Variants in CPEB3 observed in about 807,000 individuals in gnomAD.
CPEB3 encodes cytoplasmic polyadenylation element-binding protein 3.
A neutral mutation model predicts 67.2 loss-of-function variants in CPEB3; 20 were observed. The observed-to-expected ratio is 0.30, with a 90% CI of 0.21 to 0.43. The LOEUF is 0.43. Ranked by LOEUF, CPEB3 falls within the 20% of genes least tolerant of loss-of-function variation. The pLI is 1.00. For missense variants in CPEB3, 746 were observed against 968.6 expected (o/e 0.77, Z 3.05); for synonymous variants, 376 against 393.1 (o/e 0.96, Z 0.51).
At chr10:92,151,308 A>G (rs1846956523) in intron 4 of CPEB3, among the ~76,000 whole-genome samples, 1 of 152,146 alleles carries the variant, frequency 6.6e-6, no homozygotes, top group South Asian at 2.1e-4. Flanking sequence ...TTCTACTCCA[A>G]GCCTGACTCT....
chr10:92,272,867 TTG>T (rs1273323884), intron 1 of CPEB3, among the ~76,000 whole-genome samples: 3 of 152,170 alleles, frequency 2.0e-5, no homozygotes, highest in Non-Finnish European at 4.4e-5. Flanking sequence ...GGTCATTCTA[TTG>T]GGTAGTCAAT....
At chr10:92,149,614 C>G (rs866014996) in intron 4 of CPEB3, among the ~76,000 whole-genome samples, 1 of 152,066 alleles carries the variant, frequency 6.6e-6, no homozygotes, top group East Asian at 1.9e-4. Context: ...AGAAATTTCC[C>G]AAGGTTTTAA....
At chr10:92,261,772 G>C (rs896211470) in intron 1 of CPEB3, among the ~76,000 whole-genome samples, 2 of 152,100 alleles carry the variant, frequency 1.3e-5, no homozygotes, top group African/African-American at 4.8e-5. Flanking sequence ...TTTCTACAAA[G>C]GGACTATGTG....
At chr10:92,256,514 G>A (rs530261625) in intron 1 of CPEB3, among the ~76,000 whole-genome samples, 2 of 151,524 alleles carry the variant, frequency 1.3e-5, no homozygotes, top group Admixed American at 6.6e-5. Flanking sequence ...TCAGCCTCCT[G>A]AGTAGCTGGG....
intron 1 of CPEB3, among the ~76,000 whole-genome samples, chr10:92,250,979 C>T (rs1445075451): frequency 6.6e-6 from 1 of 151,292 alleles, no homozygotes. Context: ...AATCCGCCCA[C>T]CTCAGCCTCC....
intron 3 of CPEB3, among the ~76,000 whole-genome samples, chr10:92,184,187 A>G (rs1483912414): frequency 2.0e-5 from 3 of 152,232 alleles, no homozygotes; most frequent in Non-Finnish European, 4.4e-5. Context: ...TGTTTTGCAG[A>G]TTGAAAGTAT....
chr10:92,063,105 TACAG>T (rs1264721737), intron 9 of CPEB3, among the ~76,000 whole-genome samples: 2 of 152,232 alleles, frequency 1.3e-5, no homozygotes, highest in African/African-American at 2.4e-5. Context: ...TTTAGAATGC[TACAG>T]ACAAAGAGAA....
At chr10:92,102,960 G>A (rs539536104) in intron 7 of CPEB3, among the ~76,000 whole-genome samples, 1 of 151,756 alleles carries the variant, frequency 6.6e-6, no homozygotes, top group Non-Finnish European at 1.5e-5. Context: ...ATATTTGTGT[G>A]GATCCCAACT....
At chr10:92,266,966 G>A (rs767495515) in intron 1 of CPEB3, among the ~76,000 whole-genome samples, 2 of 152,120 alleles carry the variant, frequency 1.3e-5, no homozygotes, top group Non-Finnish European at 1.5e-5. Context: ...CCCAGGAGGC[G>A]GAGGTTGCAG....
In CPEB3 at chr10:92,051,710, A is replaced by G. The variant is rs41297153; in HGVS notation, c.*502T>C. 1,204 of 153,232 alleles carry G rather than the reference A, an allele frequency of 7.9e-3. 11 individuals carry two copies. Among genetic ancestry groups the G allele is most frequent in the Non-Finnish European group, 0.013 (901 of 68,652 alleles). 9.5% of individuals were successfully genotyped at this position (153,232 alleles called of 1,614,324 possible). A position where few individuals can be genotyped will look rare whatever the true frequency, so the allele number is the denominator to read the frequency against. ...TCCTTACTCTAAGTGACCCGAGCTA[A>G]TGATTGCTGAATTGTTGTGAAGTTT... On this transcript the variant is annotated 3_prime_UTR_variant, in exon 10 of 10. Coordinates refer to ENST00000265997, the MANE Select transcript of CPEB3 (RefSeq NM_014912.5).
chr10:92,216,515 C>T (rs1275728654), intron 2 of CPEB3: 2 of 1,612,684 alleles, frequency 1.2e-6, no homozygotes, highest in Non-Finnish European at 1.7e-6. Flanking sequence ...GCAGATTCGG[C>T]GCGGGGTGAA....
At chr10:92,260,266 T>G (rs1424738674) in intron 1 of CPEB3, among the ~76,000 whole-genome samples, 1 of 152,070 alleles carries the variant, frequency 6.6e-6, no homozygotes, top group African/African-American at 2.4e-5. Flanking sequence ...AATCATGTCT[T>G]CTGGCTGGGC....
chr10:92,216,367 G>A (rs1328653751), intron 2 of CPEB3: 1 of 1,611,426 alleles, frequency 6.2e-7, no homozygotes, highest in South Asian at 1.1e-5. Context: ...AAGGGCCCGA[G>A]GCTCAGGCGG....
chr10:92,125,129 T>A (rs965554932), intron 6 of CPEB3, among the ~76,000 whole-genome samples: 3 of 152,198 alleles, frequency 2.0e-5, no homozygotes, highest in African/African-American at 7.2e-5. Context: ...GAAATAGCCA[T>A]CCAGGAATAC....
intron 4 of CPEB3, among the ~76,000 whole-genome samples, chr10:92,153,907 A>G (rs1160625479): frequency 6.6e-6 from 1 of 152,178 alleles, no homozygotes; most frequent in Non-Finnish European, 1.5e-5. Flanking sequence ...TTAAATGTGT[A>G]GGCAAAAATC....
chr10:92,106,814 CAAAAAAAAAAAAAA>C (rs531195477), intron 7 of CPEB3, among the ~76,000 whole-genome samples: 1 of 55,974 alleles, frequency 1.8e-5, no homozygotes, highest in Non-Finnish European at 3.0e-5. Flanking sequence ...GACTCTGTCT[CAAAAAAAAAAAAAA>C]AAAAAAAAAA....
chr10:92,151,515 T>C (rs1031850825), intron 4 of CPEB3, among the ~76,000 whole-genome samples: 2 of 152,170 alleles, frequency 1.3e-5, no homozygotes, highest in Non-Finnish European at 2.9e-5. Flanking sequence ...TGAGAGAGTT[T>C]AACTAGATGG....
intron 6 of CPEB3, among the ~76,000 whole-genome samples, chr10:92,120,350 C>T (rs1170770731): frequency 4.6e-5 from 7 of 151,310 alleles, no homozygotes; most frequent in African/African-American, 1.5e-4. Flanking sequence ...TTTGGGAGGC[C>T]GAGGAAGGAG....
Position 92,240,181 on chromosome 10 carries a change from C to A in CPEB3, c.170G>T (p.Ser57Ile). 1 of 1,533,398 alleles carries A rather than the reference C, an allele frequency of 6.5e-7. No individual in the cohort carries two copies. The highest frequency in any genetic ancestry group is 8.8e-7 in the Non-Finnish European group (1 of 1,138,104). 95.0% of individuals were successfully genotyped at this position (1,533,398 alleles called of 1,614,324 possible). A position where few individuals can be genotyped will look rare whatever the true frequency, so the allele number is the denominator to read the frequency against. Residue 57 changes from serine to isoleucine, a missense_variant, in exon 2 of 10, where the codon AGC becomes ATC. Coordinates refer to ENST00000265997, the MANE Select transcript of CPEB3 (RefSeq NM_014912.5). ...PEENSAVPAL[S>I]PAAAPPAPNG... Reference sequence around the variant, plus strand: ...GGGGGCCGGGGGGGCAGCGGCTGGGCTGAGGGCCGGCACTGCGCTGTTTTC... The same window carrying A: ...GGGGGCCGGGGGGGCAGCGGCTGGGATGAGGGCCGGCACTGCGCTGTTTTC...
Sources: gnomAD v4.1 joint callset for allele counts (sites outside exome capture counted in the v4.1 genomes callset) on GRCh38, gnomAD v4.1.1 for gene constraint, MANE v1.5 for transcripts, NCBI Gene and HGNC (gene_info 2026-07-23, HGNC 2026-07-21) for gene names.